Variants in ADIPOR2 observed in about 807,000 individuals in gnomAD.
The protein encoded by ADIPOR2 is adiponectin receptor 2, also known as adiponectin receptor protein 2.
ADIPOR2 carries 18 observed loss-of-function variants against 40.9 expected under a neutral mutation model. That is an observed-to-expected ratio of 0.44 (90% confidence interval 0.30 to 0.65). The LOEUF (loss-of-function observed/expected upper bound fraction) is 0.65. ADIPOR2 is among the 30% of genes least tolerant of loss of function. The probability of loss-of-function intolerance (pLI) is 0.09; values close to 1 mark genes in which losing one functional copy is unlikely to be tolerated. For synonymous variants in ADIPOR2, 165 were observed against 166.4 expected, an observed-to-expected ratio of 0.99 and a Z score of 0.06; for missense variants, 283 against 479.2, an observed-to-expected ratio of 0.59 and a Z score of 3.82.
chr12:1,764,482 C>G (rs970334290), intron 2 of ADIPOR2, among the ~76,000 whole-genome samples: 3 of 151,886 alleles, frequency 2.0e-5, no homozygotes, highest in African/African-American at 7.3e-5. Context: ...CTGATCTCTT[C>G]TGTATCATTA....
intron 6 of ADIPOR2, among the ~76,000 whole-genome samples, chr12:1,783,650 C>G (rs2240613): frequency 6.6e-6 from 1 of 152,040 alleles, no homozygotes; most frequent in African/African-American, 2.4e-5. Flanking sequence ...TGAGCCACTG[C>G]ACCCGGCTGG....
At chr12:1,783,546 GCGCTACCA>G (rs1408003380) in intron 6 of ADIPOR2, among the ~76,000 whole-genome samples, 1 of 151,972 alleles carries the variant, frequency 6.6e-6, no homozygotes, top group Non-Finnish European at 1.5e-5. Context: ...TTACAGGAGT[GCGCTACCA>G]CGCCTGGCTA....
intron 1 of ADIPOR2, among the ~76,000 whole-genome samples, chr12:1,702,084 T>G (rs2094651336): frequency 6.6e-6 from 1 of 152,142 alleles, no homozygotes. Flanking sequence ...ATCACGCCAT[T>G]GCACTCCAGC....
At chr12:1,756,653 C>T (rs1258881980) in intron 2 of ADIPOR2, among the ~76,000 whole-genome samples, 1 of 151,850 alleles carries the variant, frequency 6.6e-6, no homozygotes, top group Non-Finnish European at 1.5e-5. Context: ...AACATGGAGA[C>T]ATTTGTGTTT....
chr12:1,738,054 C>G (rs2094734777), intron 1 of ADIPOR2, among the ~76,000 whole-genome samples: 1 of 151,932 alleles, frequency 6.6e-6, no homozygotes, highest in South Asian at 2.1e-4. Context: ...ATGTGTTACT[C>G]TCTTGTACTC....
chr12:1,736,164 G>A (rs1003896720), intron 1 of ADIPOR2, among the ~76,000 whole-genome samples: 4 of 152,156 alleles, frequency 2.6e-5, no homozygotes, highest in African/African-American at 9.7e-5. Flanking sequence ...GTTTCAGAAG[G>A]AATGGTACCA....
intron 1 of ADIPOR2, among the ~76,000 whole-genome samples, chr12:1,752,624 A>T (rs1481043595): frequency 6.6e-6 from 1 of 152,162 alleles, no homozygotes; most frequent in Admixed American, 6.5e-5. Context: ...TTCTCTTTGA[A>T]TCCTAATGAC....
intron 2 of ADIPOR2, chr12:1,760,713 T>G (rs1431096313): frequency 6.6e-6 from 1 of 152,240 alleles, no homozygotes; most frequent in Admixed American, 6.5e-5. Context: ...GGGTTCTTTC[T>G]TATTTGTGGT....
chr12:1,748,414 A>C (rs913351130), intron 1 of ADIPOR2, among the ~76,000 whole-genome samples: 1 of 151,852 alleles, frequency 6.6e-6, no homozygotes, highest in East Asian at 1.9e-4. Context: ...ACGCCTGGCT[A>C]ATTTTTTATA....
chr12:1,752,700 T>A (rs1372020609), intron 1 of ADIPOR2, among the ~76,000 whole-genome samples: 1 of 152,128 alleles, frequency 6.6e-6, no homozygotes, highest in Non-Finnish European at 1.5e-5. Context: ...AAGGCTATAT[T>A]TAAAGATGCT....
At chr12:1,716,687 A>G (rs1316173575) in intron 1 of ADIPOR2, among the ~76,000 whole-genome samples, 1 of 152,254 alleles carries the variant, frequency 6.6e-6, no homozygotes, top group Non-Finnish European at 1.5e-5. Flanking sequence ...TGCCAAATAC[A>G]GTACTGCACC....
intron 2 of ADIPOR2, among the ~76,000 whole-genome samples, chr12:1,768,252 T>G (rs1372310495): frequency 6.6e-6 from 1 of 152,198 alleles, no homozygotes; most frequent in African/African-American, 2.4e-5. Context: ...CCACTAACAT[T>G]TAAATACCTC....
chr12:1,775,087 C>T (rs537142859), intron 3 of ADIPOR2, among the ~76,000 whole-genome samples: 38 of 152,078 alleles, frequency 2.5e-4, no homozygotes, highest in Non-Finnish European at 4.7e-4. Context: ...CTGCCCGCCT[C>T]GGCCTCCCAT....
chr12:1,720,434 T>G (rs543893399), intron 1 of ADIPOR2, among the ~76,000 whole-genome samples: 9 of 152,288 alleles, frequency 5.9e-5, no homozygotes, highest in African/African-American at 1.7e-4. Context: ...TAATATATAA[T>G]GAAATAATTA....
intron 1 of ADIPOR2, among the ~76,000 whole-genome samples, chr12:1,747,471 A>T (rs1313853365): frequency 6.6e-6 from 1 of 152,254 alleles, no homozygotes; most frequent in Non-Finnish European, 1.5e-5. Context: ...CAGTTAAGAC[A>T]AAAGGTAAAC....
At chr12:1,734,737 T>A (rs530291207) in intron 1 of ADIPOR2, among the ~76,000 whole-genome samples, 19 of 152,314 alleles carry the variant, frequency 1.2e-4, no homozygotes, top group African/African-American at 4.6e-4. Context: ...GGTTTTTAGG[T>A]GTAACATTTA....
intron 2 of ADIPOR2, among the ~76,000 whole-genome samples, 185 bp downstream of exon 2, chr12:1,754,699 T>TTACTACTACTACTAC (rs59598626): frequency 6.1e-4 from 63 of 103,606 alleles, no homozygotes; most frequent in East Asian, 1.2e-3. Flanking sequence ...ATTATTATTA[T>TTACTACTACTACTAC]TACTACTACT....
intron 1 of ADIPOR2, among the ~76,000 whole-genome samples, chr12:1,747,775 T>C (rs1055798493): frequency 1.3e-5 from 2 of 152,188 alleles, no homozygotes; most frequent in African/African-American, 2.4e-5. Context: ...TTGTTTCTGC[T>C]TAGAAGTCAG....
At chr12:1,733,734 T>C (rs1009452249) in intron 1 of ADIPOR2, among the ~76,000 whole-genome samples, 9 of 151,878 alleles carry the variant, frequency 5.9e-5, no homozygotes, top group Admixed American at 2.0e-4. Context: ...GTTAGGTATA[T>C]CTCTTAATGC....
Sources: allele counts gnomAD v4.1 joint callset (sites outside exome capture counted in the v4.1 genomes callset), GRCh38; gene constraint gnomAD v4.1.1; transcripts MANE v1.5; gene names NCBI Gene and HGNC (gene_info 2026-07-23, HGNC 2026-07-21).